ADGRB3: variants seen among roughly 807,000 people sequenced by gnomAD.
ADGRB3 encodes brain-specific angiogenesis inhibitor 3.
Under a neutral mutation model 193.4 loss-of-function variants are expected in ADGRB3, and 37 were observed. The ratio of observed to expected loss-of-function variants is 0.19; its 90% CI spans 0.15 to 0.25. The LOEUF is 0.25. Among genes scored for constraint, ADGRB3 ranks in the 10% least tolerant of loss-of-function variants. The probability of loss-of-function intolerance (pLI) is 1.00; values close to 1 mark genes in which losing one functional copy is unlikely to be tolerated. For synonymous variants in ADGRB3, 690 were observed against 644.2 expected, an observed-to-expected ratio of 1.07 and a Z score of -1.08; for missense variants, 1,637 against 1,852.9, an observed-to-expected ratio of 0.88 and a Z score of 2.14.
At chr6:68,687,918 C>T (rs377726271) in intron 3 of ADGRB3, among the ~76,000 whole-genome samples, 43 of 152,242 alleles carry the variant, frequency 2.8e-4, no homozygotes, top group African/African-American at 1.0e-3. Context: ...TTCTGTGGTA[C>T]ATTAGTCACT....
At chr6:68,991,757 C>T (rs1380982567) in intron 10 of ADGRB3, among the ~76,000 whole-genome samples, 1 of 152,086 alleles carries the variant, frequency 6.6e-6, no homozygotes, top group East Asian at 1.9e-4. Context: ...TATGCTCTAG[C>T]TTCTGCTAAT....
At chr6:69,031,806 G>A (rs751844864) in intron 13 of ADGRB3, among the ~76,000 whole-genome samples, 8 of 151,136 alleles carry the variant, frequency 5.3e-5, no homozygotes, top group Admixed American at 1.3e-4. Context: ...GGCTAATTTT[G>A]GTATTTTTGG....
chr6:68,683,104 A>T (rs1167442029), intron 3 of ADGRB3, among the ~76,000 whole-genome samples: 1 of 152,144 alleles, frequency 6.6e-6, no homozygotes, highest in Non-Finnish European at 1.5e-5. Flanking sequence ...TTTTCTTAAA[A>T]AAATAAATAA....
In ADGRB3 at chr6:68,783,291, AAT is replaced by A. The variant is rs72235249; in HGVS notation, c.757+143875_757+143876del. On this transcript the variant is annotated intron_variant, in intron 3 of 31. Transcript: ENST00000370598. ...AACACTGCCCTATATTGCCTCCCTA[AAT>A]ATATATATATATATAACATACATAT... Among the ~76,000 whole-genome samples, 857 of 144,028 alleles carry A rather than the reference AAT, an allele frequency of 6.0e-3. 7 individuals are homozygous for A. Among genetic ancestry groups the A allele is most frequent in the African/African-American group, 0.02 (814 of 39,766 alleles). 94.5% of individuals were successfully genotyped at this position (144,028 alleles called of 152,430 possible).
chr6:69,251,821 A>T (rs1382243254), intron 20 of ADGRB3, among the ~76,000 whole-genome samples: 2 of 152,156 alleles, frequency 1.3e-5, no homozygotes, highest in South Asian at 2.1e-4. Flanking sequence ...AATTTCAAAT[A>T]TGCAATGCAT....
chr6:68,811,003 T>A (rs993732623), intron 3 of ADGRB3, among the ~76,000 whole-genome samples: 3 of 152,164 alleles, frequency 2.0e-5, no homozygotes, highest in African/African-American at 7.2e-5. Context: ...ACATGCTTTT[T>A]GATTATTTAA....
chr6:68,782,834 T>C (rs1003180252), intron 3 of ADGRB3, among the ~76,000 whole-genome samples: 3 of 143,904 alleles, frequency 2.1e-5, no homozygotes, highest in African/African-American at 8.9e-5. Flanking sequence ...GTTTTTTTTC[T>C]TGTAAATTTG....
chr6:68,818,070 G>T (rs562391181), intron 3 of ADGRB3, among the ~76,000 whole-genome samples: 1 of 152,088 alleles, frequency 6.6e-6, no homozygotes, highest in Admixed American at 6.6e-5. Flanking sequence ...GAATAAAGTG[G>T]CTTTAGGTTC....
intron 12 of ADGRB3, among the ~76,000 whole-genome samples, chr6:69,017,584 A>G (rs1770131863): frequency 6.6e-6 from 1 of 151,958 alleles, no homozygotes. Flanking sequence ...TTTGTACTGT[A>G]TGAGGTGCCA....
intron 3 of ADGRB3, among the ~76,000 whole-genome samples, chr6:68,905,213 T>C (rs1766508972): frequency 6.6e-6 from 1 of 152,174 alleles, no homozygotes; most frequent in Non-Finnish European, 1.5e-5. Flanking sequence ...CATGTTGTGG[T>C]TTATTTGAGT....
At chr6:68,741,757 C>G (rs1276928686) in intron 3 of ADGRB3, among the ~76,000 whole-genome samples, 1 of 152,158 alleles carries the variant, frequency 6.6e-6, no homozygotes, top group African/African-American at 2.4e-5. Flanking sequence ...ATCAAACTGG[C>G]TGATTAAGGT....
At chr6:69,262,050 G>T (rs78240583) in intron 20 of ADGRB3, among the ~76,000 whole-genome samples, 14,277 of 151,900 alleles carry the variant, frequency 0.094, 721 homozygotes, top group Middle Eastern at 0.24. Context: ...GGAGAGAAAG[G>T]CATCTTAATG....
chr6:69,164,827 T>C (rs975588447), intron 17 of ADGRB3, among the ~76,000 whole-genome samples: 1 of 152,090 alleles, frequency 6.6e-6, no homozygotes, highest in African/African-American at 2.4e-5. Context: ...TTTTCCATTG[T>C]CTGTTTTCTC....
At chr6:69,033,887 C>T (rs995972363) in intron 13 of ADGRB3, among the ~76,000 whole-genome samples, 1 of 151,962 alleles carries the variant, frequency 6.6e-6, no homozygotes, top group African/African-American at 2.4e-5. Context: ...ATTGTCTATA[C>T]TGGACAGTAC....
intron 10 of ADGRB3, among the ~76,000 whole-genome samples, chr6:68,987,347 T>C (rs904222521): frequency 2.6e-5 from 4 of 152,116 alleles, no homozygotes; most frequent in African/African-American, 4.8e-5. Context: ...GGTAAATGGC[T>C]TTAGAAACGG....
intron 3 of ADGRB3, among the ~76,000 whole-genome samples, chr6:68,800,540 C>T (rs976613382): frequency 1.3e-5 from 2 of 151,888 alleles, no homozygotes; most frequent in East Asian, 1.9e-4. Context: ...AGGTATACTA[C>T]AAAAATATTC....
intron 3 of ADGRB3, among the ~76,000 whole-genome samples, chr6:68,901,332 C>T (rs890062700): frequency 7.2e-5 from 11 of 152,098 alleles, no homozygotes; most frequent in Admixed American, 6.6e-4. Context: ...CTCCATAGTG[C>T]CTCAGAACAT....
chr6:69,267,210 A>T (rs190073183), intron 20 of ADGRB3, among the ~76,000 whole-genome samples: 70 of 152,134 alleles, frequency 4.6e-4, no homozygotes, highest in African/African-American at 1.7e-3. Context: ...TCTTTCTCAT[A>T]AAGCATCACT....
chr6:69,113,256 A>G (rs1012710091), intron 17 of ADGRB3, among the ~76,000 whole-genome samples: 2 of 152,070 alleles, frequency 1.3e-5, no homozygotes, highest in Non-Finnish European at 2.9e-5. Context: ...TATATGTACA[A>G]TATACATATG....
Sources: gnomAD v4.1 joint callset for allele counts (sites outside exome capture counted in the v4.1 genomes callset) on GRCh38, gnomAD v4.1.1 for gene constraint, MANE v1.5 for transcripts, NCBI Gene and HGNC (gene_info 2026-07-23, HGNC 2026-07-21) for gene names.